RNF144B: variants seen among roughly 807,000 people sequenced by gnomAD.
The protein encoded by RNF144B is E3 ubiquitin-protein ligase RNF144B.
RNF144B carries 25 observed loss-of-function variants against 40.2 expected under a neutral mutation model. That is an observed-to-expected ratio of 0.62 (90% confidence interval 0.45 to 0.87). The LOEUF (loss-of-function observed/expected upper bound fraction) is 0.87, where lower values mean the gene tolerates loss of function less well. Ranked by LOEUF, RNF144B falls within the 40% of genes least tolerant of loss-of-function variation. The pLI, the probability that RNF144B is intolerant of heterozygous loss-of-function variation, is 0.00. For missense variants in RNF144B, 365 were observed against 373.7 expected, an observed-to-expected ratio of 0.98 and a Z score of 0.19; for synonymous variants, 145 against 136.3, an observed-to-expected ratio of 1.06 and a Z score of -0.44.
chr6:18,464,042 GA>G lies in RNF144B; in HGVS notation c.771+663del, dbSNP rs1759524098. ...CGTGGGGATTATTACAATTCAAGAT[GA>G]GATTTGGGTGGGGACACAGCCAAAC... On this transcript the variant is annotated intron_variant, in intron 7 of 7. Transcript: ENST00000259939. The surrounding 1 kb of genome is among the most constrained non-coding windows in gnomAD (Gnocchi z 6.1). Among the ~76,000 whole-genome samples the G allele has an allele frequency of 1.3e-5, 2 of 152,278 alleles. No homozygotes were observed. The highest frequency in any genetic ancestry group is 4.1e-4 in the South Asian group (2 of 4,826).
chr6:18,445,275 C>G (rs1759056271), intron 4 of RNF144B, among the ~76,000 whole-genome samples: 3 of 152,128 alleles, frequency 2.0e-5, no homozygotes, highest in Non-Finnish European at 4.4e-5. Context: ...GAATCAAAAG[C>G]AAACTCAGCA....
chr6:18,426,259 G>A, intron 2 of RNF144B, among the ~76,000 whole-genome samples: 1 of 152,178 alleles, frequency 6.6e-6, no homozygotes, highest in East Asian at 1.9e-4. Flanking sequence ...TCACCACTTT[G>A]TAAGAGTCGT....
At position 18,412,375 on chromosome 6, in the gene RNF144B, T is replaced by C. The variant is rs1467469943; in HGVS notation, c.165+12676T>C. On this transcript the variant is annotated intron_variant, in intron 2 of 7. Transcript: ENST00000259939. The surrounding 1 kb of genome is among the most constrained non-coding windows in gnomAD (Gnocchi z 4.2). The stretch of plus-strand genomic sequence containing the variant: ...TTGTAAGAGAAGCTCATCTCATGAA[T>C]CTATCTTTAAAAAACATACAGTATG... 1.3e-5 allele frequency among the ~76,000 whole-genome samples: 2 copies of C among 152,338 alleles called. No individual in the cohort carries two copies. Among genetic ancestry groups the C allele is most frequent in the South Asian group, 2.1e-4 (1 of 4,832 alleles).
In RNF144B at chr6:18,448,370, T is replaced by C. The variant is rs1323778059; in HGVS notation, c.331+8626T>C. Among the ~76,000 whole-genome samples, 1 of 152,026 alleles carries C rather than the reference T, an allele frequency of 6.6e-6. No homozygotes were observed. The highest frequency in any genetic ancestry group is 1.5e-5 in the Non-Finnish European group (1 of 67,998). ...GTTACGGACATGGATGCAGGCAGCC[T>C]AGTAGATTGGTCTGCATGGGTTCTC... On this transcript the variant is annotated intron_variant, in intron 4 of 7. Transcript: ENST00000259939. This position sits in a 1 kb window ranked among gnomAD's most constrained non-coding sequence, Gnocchi z 4.0.
In RNF144B at chr6:18,419,023, C is replaced by G. The variant is rs1264515195; in HGVS notation, c.166-8558C>G. On this transcript the variant is annotated intron_variant, in intron 2 of 7. Coordinates refer to ENST00000259939, the MANE Select transcript of RNF144B (RefSeq NM_182757.4). The surrounding 1 kb of genome is among the most constrained non-coding windows in gnomAD (Gnocchi z 4.6). ...CAGTGGCACCAACGAGACCTGGGAACTTACAAGGAGGGCAAAACCTCAGAC... is the reference window on the plus strand; with the variant it reads ...CAGTGGCACCAACGAGACCTGGGAAGTTACAAGGAGGGCAAAACCTCAGAC... Among the ~76,000 whole-genome samples the G allele has an allele frequency of 2.6e-5, 4 of 152,198 alleles. No individual in the cohort carries two copies. In the East Asian group the frequency reaches 7.7e-4, roughly 29 times the overall value.
chr6:18,394,878 C>T (rs980726015), intron 1 of RNF144B, among the ~76,000 whole-genome samples: 13 of 152,152 alleles, frequency 8.5e-5, no homozygotes, highest in African/African-American at 2.9e-4. Context: ...GTTCTCCTTT[C>T]CTGGTAATTT....
Position 18,397,061 on chromosome 6 carries a change from A to T in RNF144B, c.-36-2438A>T, listed in dbSNP as rs1005868130. Among the ~76,000 whole-genome samples the T allele has an allele frequency of 5.3e-5, 8 of 152,130 alleles. No individual in the cohort carries two copies. In the East Asian group the frequency reaches 1.5e-3, roughly 29 times the overall value. On this transcript the variant is annotated intron_variant, in intron 1 of 7. Transcript: ENST00000259939. ...TTAGCTTCCTATTTAATTATTTTGA[A>T]TCAGGTTTTCTGGTACTGAGTACTG... is the stretch of plus-strand genomic sequence containing the variant.
At chr6:18,392,198 A>C (rs995540012) in intron 1 of RNF144B, among the ~76,000 whole-genome samples, 2 of 151,712 alleles carry the variant, frequency 1.3e-5, no homozygotes, top group African/African-American at 4.8e-5. Context: ...ACAGAGCGAG[A>C]CTCCGTCTCA....
At position 18,450,317 on chromosome 6, in the gene RNF144B, A is replaced by G. The variant is rs1407526911; in HGVS notation, c.332-6838A>G. On this transcript the variant is annotated intron_variant, in intron 4 of 7. Transcript: ENST00000259939. The surrounding 1 kb of genome is among the most constrained non-coding windows in gnomAD (Gnocchi z 4.7). The stretch of plus-strand genomic sequence containing the variant: ...TAGTGCTTGCCAGTTTTTTTTTTTT[A>G]GATGGAGTCTTGCTCTGTCACCCAG... Among the ~76,000 whole-genome samples, 1 of 144,570 alleles carries G rather than the reference A, an allele frequency of 6.9e-6. No homozygotes were observed. Among genetic ancestry groups the G allele is most frequent in the African/African-American group, 2.5e-5 (1 of 40,060 alleles). The allele number at this position is 144,570 out of a possible 152,430, so 94.8% of individuals were successfully genotyped here. A position where few individuals can be genotyped will look rare whatever the true frequency, so the allele number is the denominator to read the frequency against.
At chr6:18,428,284 T>G (rs1758611454) in intron 3 of RNF144B, among the ~76,000 whole-genome samples, 1 of 152,166 alleles carries the variant, frequency 6.6e-6, no homozygotes, top group Non-Finnish European at 1.5e-5. Context: ...TGGGTATTTC[T>G]TCATAGCAGT....
intron 2 of RNF144B, among the ~76,000 whole-genome samples, chr6:18,404,979 G>C (rs1794867734): frequency 6.6e-6 from 1 of 151,926 alleles, no homozygotes; most frequent in African/African-American, 2.4e-5. Context: ...CCCTCTTCTG[G>C]TCATGAGACC....
chr6:18,393,113 C>G (rs1794619360), intron 1 of RNF144B, among the ~76,000 whole-genome samples: 1 of 128,534 alleles, frequency 7.8e-6, no homozygotes, highest in African/African-American at 2.9e-5. Context: ...GAGTGAGACT[C>G]CATCTCAAAA....
chr6:18,457,263 C>CT lies in RNF144B; in HGVS notation c.442dup (p.Cys148LeufsTer20). On this transcript the variant is annotated frameshift_variant, in exon 5 of 8. Coordinates refer to ENST00000259939, the MANE Select transcript of RNF144B (RefSeq NM_182757.4). LOFTEE classifies it high-confidence loss of function. This position sits in a 1 kb window ranked among gnomAD's most constrained non-coding sequence, Gnocchi z 5.1. ...CAGCCTGTGCTGGTGGAATGCCCTT[C>CT]TTGCCACCTGAAATTCTGCTCGTGT... 4.3e-6 allele frequency: 7 copies of CT among 1,614,142 alleles called. No individual in the cohort carries two copies. Among genetic ancestry groups the CT allele is most frequent in the Non-Finnish European group, 5.1e-6 (6 of 1,179,990 alleles).
At position 18,410,788 on chromosome 6, in the gene RNF144B, A is replaced by G. The variant is rs1266579275; in HGVS notation, c.165+11089A>G. Among the ~76,000 whole-genome samples, 1 of 152,136 alleles carries G rather than the reference A, an allele frequency of 6.6e-6. No homozygotes were observed. Among genetic ancestry groups the G allele is most frequent in the African/African-American group, 2.4e-5 (1 of 41,436 alleles). ...GATAGAGAATGGACTGAAAGTGGGC[A>G]AGGCTGGAGCAGGAGGAGGGAACCA... On this transcript the variant is annotated intron_variant, in intron 2 of 7. Coordinates refer to ENST00000259939, the MANE Select transcript of RNF144B (RefSeq NM_182757.4). This position sits in a 1 kb window ranked among gnomAD's most constrained non-coding sequence, Gnocchi z 4.6.
At chr6:18,390,584 A>G (rs1794559669) in intron 1 of RNF144B, among the ~76,000 whole-genome samples, 1 of 152,230 alleles carries the variant, frequency 6.6e-6, no homozygotes, top group Admixed American at 6.5e-5. Flanking sequence ...AGTATTTATT[A>G]AGAGCATACT....
intron 2 of RNF144B, among the ~76,000 whole-genome samples, chr6:18,407,290 G>A (rs1257265603): frequency 1.3e-5 from 2 of 152,174 alleles, no homozygotes; most frequent in African/African-American, 2.4e-5. Context: ...GAAGGCAAAC[G>A]TAATAATCCA....
At chr6:18,433,611 G>A (rs954508110) in intron 3 of RNF144B, among the ~76,000 whole-genome samples, 4 of 152,184 alleles carry the variant, frequency 2.6e-5, no homozygotes, top group Non-Finnish European at 4.4e-5. Context: ...GTTAGATAAT[G>A]TACAGAGACT....
chr6:18,431,066 C>T (rs991608172), intron 3 of RNF144B, among the ~76,000 whole-genome samples: 2 of 151,800 alleles, frequency 1.3e-5, no homozygotes, highest in Non-Finnish European at 2.9e-5. Context: ...CACAGTGAAA[C>T]CCCTTTCTAC....
intron 2 of RNF144B, among the ~76,000 whole-genome samples, chr6:18,423,166 A>G (rs1486235857): frequency 6.6e-6 from 1 of 152,110 alleles, no homozygotes; most frequent in Non-Finnish European, 1.5e-5. Context: ...TTCAAAGTGA[A>G]TGGGGGACTC....
Sources: gnomAD v4.1 joint callset for allele counts (sites outside exome capture counted in the v4.1 genomes callset) on GRCh38, gnomAD v4.1.1 for gene constraint, Gnocchi (gnomAD v3.1) non-coding constraint, MANE v1.5 for transcripts, NCBI Gene and HGNC (gene_info 2026-07-23, HGNC 2026-07-21) for gene names.